Variants in STAMBP observed in about 807,000 individuals in gnomAD.
STAMBP encodes STAM-binding protein.
Under a neutral mutation model 50.7 loss-of-function variants are expected in STAMBP, and 31 were observed. That is an observed-to-expected ratio of 0.61 (90% CI 0.46 to 0.83). The LOEUF (loss-of-function observed/expected upper bound fraction) is 0.83, where lower values mean the gene tolerates loss of function less well. Among genes scored for constraint, STAMBP ranks in the 40% least tolerant of loss-of-function variants. The pLI, the probability that STAMBP is intolerant of heterozygous loss-of-function variation, is 0.00. For missense variants in STAMBP, 472 were observed against 518.9 expected (o/e 0.91, Z 0.88); for synonymous variants, 211 against 192.4 (o/e 1.10, Z -0.80).
rs1181489498 is a variant in STAMBP at position 73,840,386 on chromosome 2, T to TTTATA, written c.204-4426_204-4425insTATAT. 3.3e-5 allele frequency among the ~76,000 whole-genome samples: 5 copies of TTTATA among 151,782 alleles called. No individual in the cohort carries two copies. The East Asian group carries it at 7.7e-4, about 23-fold the overall frequency. On this transcript the variant is annotated intron_variant, in intron 2 of 9. Transcript: ENST00000394070. ...ATTGAATATTTTTATACATATATCT[T>TTTATA]TGTACTGTTTTATAATGATCTCTAG...
chr2:73,843,898 A>C (rs1250591908), intron 2 of STAMBP, among the ~76,000 whole-genome samples: 1 of 152,224 alleles, frequency 6.6e-6, no homozygotes, highest in Non-Finnish European at 1.5e-5. Context: ...GTGTATTACA[A>C]CTTAATTCTG....
chr2:73,842,968 G>C (rs201051630), intron 2 of STAMBP, among the ~76,000 whole-genome samples: 1 of 151,952 alleles, frequency 6.6e-6, no homozygotes, highest in Non-Finnish European at 1.5e-5. Flanking sequence ...GCTGATTCAG[G>C]CCTCAATACA....
chr2:73,840,743 CA>C lies in STAMBP; in HGVS notation c.204-4057del, dbSNP rs1207262099. Among the ~76,000 whole-genome samples the C allele has an allele frequency of 3.4e-3, 362 of 107,126 alleles. 1 individual carries two copies. Among genetic ancestry groups the C allele is most frequent in the Middle Eastern group, 0.023 (4 of 174 alleles). The allele number at this position is 107,126 out of a possible 152,430, so 70.3% of individuals were successfully genotyped here. A position where few individuals can be genotyped will look rare whatever the true frequency, so the allele number is the denominator to read the frequency against. ...AGGGCGGCAGAGCAAGACTCTGTCT[CA>C]AAAAAAAAAAAATAAATAAATCAAA... is the stretch of plus-strand genomic sequence containing the variant. On this transcript the variant is annotated intron_variant, in intron 2 of 9. Transcript: ENST00000394070.
At chr2:73,867,655 T>A (rs183809171), downstream of STAMBP, among the ~76,000 whole-genome samples, 27 of 152,266 alleles carry the variant, frequency 1.8e-4, no homozygotes, top group Admixed American at 1.1e-3. Context: ...TAATACAATA[T>A]CACAAATTAA....
chr2:73,858,500 G>T (rs1677874949), intron 7 of STAMBP, among the ~76,000 whole-genome samples: 1 of 151,946 alleles, frequency 6.6e-6, no homozygotes, highest in Non-Finnish European at 1.5e-5. Flanking sequence ...TTTGAAATAT[G>T]TATGCATATA....
At chr2:73,846,837 T>G (rs541905351) in intron 4 of STAMBP, among the ~76,000 whole-genome samples, 1 of 152,002 alleles carries the variant, frequency 6.6e-6, no homozygotes, top group South Asian at 2.1e-4. Context: ...ATCCCAGCGC[T>G]TCGGGAGGCC....
intron 10 of STAMBP, among the ~76,000 whole-genome samples, chr2:73,872,521 G>A (rs966333901): frequency 2.7e-5 from 4 of 150,282 alleles, no homozygotes; most frequent in Non-Finnish European, 5.9e-5. Context: ...TAGATGTTAC[G>A]CTCTCTGTCC....
chr2:73,846,859 ATTGT>A (rs1171654334), intron 4 of STAMBP, among the ~76,000 whole-genome samples: 1 of 152,050 alleles, frequency 6.6e-6, no homozygotes, highest in Non-Finnish European at 1.5e-5. Flanking sequence ...AGGTGGGCAG[ATTGT>A]TTGAGCCCAG....
intron 2 of STAMBP, among the ~76,000 whole-genome samples, chr2:73,838,073 C>T (rs1461599200): frequency 2.6e-5 from 4 of 152,118 alleles, no homozygotes; most frequent in Non-Finnish European, 5.9e-5. Flanking sequence ...TAAGCAATTT[C>T]GCTAGAAGGA....
chr2:73,868,365 A>C (rs1679051727), downstream of STAMBP, among the ~76,000 whole-genome samples: 1 of 152,094 alleles, frequency 6.6e-6, no homozygotes, highest in African/African-American at 2.4e-5. Flanking sequence ...CTAGAAAGTG[A>C]TGAGTCGGAT....
intron 4 of STAMBP, 146 bp from the exon 5 acceptor site, chr2:73,847,241 T>C (rs912680299): frequency 5.1e-6 from 5 of 988,628 alleles, no homozygotes; most frequent in Non-Finnish European, 7.3e-6. Flanking sequence ...GGTATAAAGA[T>C]ACTGAGGAAA....
intron 2 of STAMBP, among the ~76,000 whole-genome samples, chr2:73,837,581 T>C (rs1260389011): frequency 3.4e-5 from 2 of 58,812 alleles, no homozygotes; most frequent in African/African-American, 2.0e-4. Flanking sequence ...CGAGACTCCA[T>C]CTCAAAAAAA....
intron 2 of STAMBP, among the ~76,000 whole-genome samples, chr2:73,844,336 C>A (rs1195917798): frequency 6.6e-6 from 1 of 152,104 alleles, no homozygotes; most frequent in Non-Finnish European, 1.5e-5. Context: ...TTTGAAGGAA[C>A]ACGAATCCCA....
intron 4 of STAMBP, 48 bp downstream of exon 4, chr2:73,845,310 G>A (rs1675928812): frequency 1.5e-6 from 2 of 1,295,370 alleles, no homozygotes; most frequent in Admixed American, 1.8e-5. Context: ...TTTTTAGGCT[G>A]TGCCCTGGGA....
rs75471207 is a variant in STAMBP, at chr2:73,844,939, G to A, written c.279+51G>A. ...CATCTAAAAGCTTCAGAGCAGCACA[G>A]ACTGACTTCAAGATAAAAGTAGTAG... On this transcript the variant is annotated intron_variant, in intron 3 of 9. Coordinates refer to ENST00000394070, the MANE Select transcript of STAMBP (RefSeq NM_213622.4). The A allele has an allele frequency of 9.4e-4, 1,493 of 1,594,562 alleles. 12 individuals are homozygous for A. In the African/African-American group the frequency reaches 0.019, roughly 20 times the overall value.
intron 2 of STAMBP, among the ~76,000 whole-genome samples, chr2:73,838,528 G>A (rs2104346495): frequency 6.6e-6 from 1 of 152,322 alleles, no homozygotes; most frequent in East Asian, 1.9e-4. Flanking sequence ...TCTTATGGAG[G>A]AGGAGAGGCT....
In STAMBP at chr2:73,863,268, G is replaced by C. The variant is rs1190223434; in HGVS notation, c.*1009G>C. ...GTGTTGGCTGTTCTTTTCTGACTAA[G>C]GCAATACCTAGGAAAACGCTTGAAG... On this transcript the variant is annotated 3_prime_UTR_variant, in exon 10 of 10. Coordinates refer to ENST00000394070, the MANE Select transcript of STAMBP (RefSeq NM_213622.4). 1 of 152,108 alleles carries C rather than the reference G, an allele frequency of 6.6e-6. No homozygotes were observed. Among genetic ancestry groups the C allele is most frequent in the Non-Finnish European group, 1.5e-5 (1 of 68,032 alleles). 9.4% of individuals were successfully genotyped at this position (152,108 alleles called of 1,614,324 possible). A position where few individuals can be genotyped will look rare whatever the true frequency, so the allele number is the denominator to read the frequency against.
rs1413480543 is a variant in STAMBP, at chr2:73,862,358, A to C, written c.*99A>C. ...TAGAAAGCTTTGGAAGTTTTTGTAG[A>C]TAGTAGAAAGGGGGGCATCACCTGA... On this transcript the variant is annotated 3_prime_UTR_variant, in exon 10 of 10. Transcript: ENST00000394070. The C allele has an allele frequency of 5.5e-6, 6 of 1,093,128 alleles. No individual in the cohort carries two copies. The highest frequency in any genetic ancestry group is 7.7e-6 in the Non-Finnish European group (6 of 779,454). The allele number at this position is 1,093,128 out of a possible 1,614,324, so 67.7% of individuals were successfully genotyped here. A position where few individuals can be genotyped will look rare whatever the true frequency, so the allele number is the denominator to read the frequency against.
Position 73,859,560 on chromosome 2 carries a change from C to A in STAMBP, c.1118+194C>A, listed in dbSNP as rs1318987. Among the ~76,000 whole-genome samples the A allele has an allele frequency of 0.17, 26,334 of 151,980 alleles. 2,724 individuals carry two copies. The highest frequency in any genetic ancestry group is 0.26 in the African/African-American group (10,719 of 41,422). On this transcript the variant is annotated intron_variant, in intron 8 of 9. Transcript: ENST00000394070. ...CTATCATGCTTGTTCAAAAAGATAT[C>A]CAAGTAACAACTTAGTTGCTTTTCT...
Sources: allele counts gnomAD v4.1 joint callset (sites outside exome capture counted in the v4.1 genomes callset), GRCh38; gene constraint gnomAD v4.1.1; transcripts MANE v1.5; gene names NCBI Gene and HGNC (gene_info 2026-07-23, HGNC 2026-07-21).